ERC2: variants seen among roughly 807,000 people sequenced by gnomAD.
ERC2 encodes ERC protein 2.
A neutral mutation model predicts 114.8 loss-of-function variants in ERC2; 42 were observed. The observed-to-expected ratio is 0.37, with a 90% confidence interval of 0.29 to 0.47. The LOEUF (loss-of-function observed/expected upper bound fraction) is 0.47. ERC2 is among the 20% of genes least tolerant of loss of function. The pLI is 0.99. For missense variants in ERC2, 939 were observed against 1,150.7 expected, an observed-to-expected ratio of 0.82 and a Z score of 2.66; for synonymous variants, 454 against 425.5, an observed-to-expected ratio of 1.07 and a Z score of -0.82.
intron 15 of ERC2, among the ~76,000 whole-genome samples, chr3:55,702,414 G>C (rs1226329855): frequency 6.6e-6 from 1 of 152,188 alleles, no homozygotes; most frequent in East Asian, 1.9e-4. Flanking sequence ...TATTTATCTT[G>C]CTTGTAACAT....
chr3:56,302,253 G>A lies in ERC2; in HGVS notation c.658-5818C>T, dbSNP rs1006369175. Among the ~76,000 whole-genome samples the A allele has an allele frequency of 3.3e-5, 5 of 152,208 alleles. No individual in the cohort carries two copies. In the East Asian group the frequency reaches 9.7e-4, roughly 29 times the overall value. Reference sequence around the variant, plus strand: ...AATAACCCTAAGAGTAGACCAAAAGGGGGTAACTGTACACTTTGACTAGGA... The same window carrying A: ...AATAACCCTAAGAGTAGACCAAAAGAGGGTAACTGTACACTTTGACTAGGA... On this transcript the variant is annotated intron_variant, in intron 2 of 17. Coordinates refer to ENST00000288221, the MANE Select transcript of ERC2 (RefSeq NM_015576.3).
At chr3:55,875,525 C>G (rs146616842) in intron 14 of ERC2, among the ~76,000 whole-genome samples, 1 of 152,256 alleles carries the variant, frequency 6.6e-6, no homozygotes, top group East Asian at 1.9e-4. Context: ...TCCCAAATTC[C>G]GTGACTGGAA....
intron 6 of ERC2, among the ~76,000 whole-genome samples, chr3:56,081,204 T>A (rs930216315): frequency 4.8e-5 from 7 of 146,060 alleles, no homozygotes; most frequent in South Asian, 2.2e-4. Flanking sequence ...AAAAAAAAAA[T>A]AAGACTTCTT....
intron 15 of ERC2, among the ~76,000 whole-genome samples, chr3:55,711,193 T>C (rs1156554429): frequency 3.3e-5 from 5 of 152,244 alleles, no homozygotes; most frequent in Non-Finnish European, 5.9e-5. Context: ...TCCTTTGAGA[T>C]AGGAGCCTCA....
chr3:56,174,398 G>C lies in ERC2; in HGVS notation c.1075-878C>G, dbSNP rs188801007. Among the ~76,000 whole-genome samples the C allele has an allele frequency of 1.7e-4, 26 of 152,270 alleles. No individual in the cohort carries two copies. The East Asian group carries it at 3.5e-3, about 20-fold the overall frequency. ...TAACTATCAACAGTTTTAGGAGAGT[G>C]AGCAATGGCAGGAGTAATCAAAAGT... On this transcript the variant is annotated intron_variant, in intron 3 of 17. Transcript: ENST00000288221.
chr3:55,576,934 G>T (rs996245931), intron 17 of ERC2, among the ~76,000 whole-genome samples: 2 of 152,216 alleles, frequency 1.3e-5, no homozygotes, highest in Non-Finnish European at 2.9e-5. Flanking sequence ...TGGCCTCTCT[G>T]TCCAGAGGAG....
intron 13 of ERC2, among the ~76,000 whole-genome samples, chr3:55,936,502 A>T (rs1028650731): frequency 6.6e-6 from 1 of 152,216 alleles, no homozygotes; most frequent in Admixed American, 6.5e-5. Context: ...AGACAGAAAC[A>T]TAAAGAAAGA....
intron 17 of ERC2, among the ~76,000 whole-genome samples, chr3:55,588,152 G>T (rs190115829): frequency 8.5e-5 from 13 of 152,074 alleles, no homozygotes; most frequent in Non-Finnish European, 1.9e-4. Flanking sequence ...CATCAGGGTC[G>T]TTTCCTGGTT....
intron 17 of ERC2, among the ~76,000 whole-genome samples, chr3:55,610,083 A>C (rs2058835899): frequency 6.6e-6 from 1 of 150,692 alleles, no homozygotes; most frequent in Admixed American, 6.6e-5. Context: ...AAAAAAAAAA[A>C]ACAAGAATTC....
At chr3:56,280,605 T>C (rs2054281732) in intron 3 of ERC2, among the ~76,000 whole-genome samples, 1 of 152,184 alleles carries the variant, frequency 6.6e-6, no homozygotes, top group South Asian at 2.1e-4. Context: ...ATGGTGCTGG[T>C]GCTCAAGAGA....
chr3:56,258,976 A>ATT (rs36089023), intron 3 of ERC2, among the ~76,000 whole-genome samples: 32,841 of 144,070 alleles, frequency 0.23, 4,409 homozygotes, highest in Non-Finnish European at 0.29. Flanking sequence ...TAATTAATTA[A>ATT]TTTTTTTTTT....
intron 17 of ERC2, among the ~76,000 whole-genome samples, chr3:55,632,170 C>T (rs2059782345): frequency 6.6e-6 from 1 of 152,214 alleles, no homozygotes; most frequent in South Asian, 2.1e-4. Context: ...CCTCTATGCA[C>T]ACCAGCAGGG....
intron 11 of ERC2, 126 bp downstream of exon 11, chr3:55,991,931 C>T (rs574887549): frequency 6.2e-6 from 5 of 812,618 alleles, no homozygotes; most frequent in Admixed American, 2.6e-5. Flanking sequence ...GGCCATATTC[C>T]TCATTTATGA....
At chr3:56,257,667 C>T (rs147032884) in intron 3 of ERC2, among the ~76,000 whole-genome samples, 2 of 152,332 alleles carry the variant, frequency 1.3e-5, no homozygotes, top group East Asian at 3.9e-4. Context: ...CGGCCATTGC[C>T]TTGCATGTAT....
At chr3:55,665,085 G>T (rs761681203) in intron 17 of ERC2, among the ~76,000 whole-genome samples, 1 of 152,162 alleles carries the variant, frequency 6.6e-6, no homozygotes, top group Non-Finnish European at 1.5e-5. Flanking sequence ...GAGGGTGCGC[G>T]GTGAAGGTGT....
At chr3:55,917,929 T>G (rs2065197154) in intron 13 of ERC2, among the ~76,000 whole-genome samples, 2 of 151,944 alleles carry the variant, frequency 1.3e-5, no homozygotes, top group Admixed American at 1.3e-4. Flanking sequence ...TAATTGAGAG[T>G]TGCCTTGATT....
chr3:56,271,591 A>G (rs1025336331), intron 3 of ERC2, among the ~76,000 whole-genome samples: 9 of 152,138 alleles, frequency 5.9e-5, no homozygotes, highest in Non-Finnish European at 1.2e-4. Context: ...ATTAGCTATT[A>G]TCTCCATCAT....
intron 2 of ERC2, among the ~76,000 whole-genome samples, chr3:56,360,143 C>T (rs1462546972): frequency 7.1e-6 from 1 of 140,212 alleles, no homozygotes; most frequent in East Asian, 2.2e-4. Context: ...TGGCTCACTG[C>T]AAGCTCCGCC....
At chr3:56,127,581 G>C (rs1042780065) in intron 6 of ERC2, among the ~76,000 whole-genome samples, 1 of 152,020 alleles carries the variant, frequency 6.6e-6, no homozygotes, top group African/African-American at 2.4e-5. Flanking sequence ...TAATTAGCTG[G>C]GCACGGTGGC....
Sources: gnomAD v4.1 joint callset for allele counts (sites outside exome capture counted in the v4.1 genomes callset) on GRCh38, gnomAD v4.1.1 for gene constraint, MANE v1.5 for transcripts, NCBI Gene and HGNC (gene_info 2026-07-23, HGNC 2026-07-21) for gene names.